RANBP17: variants seen among roughly 807,000 people sequenced by gnomAD.
RANBP17 encodes RAN binding protein 17.
RANBP17 carries 158 observed loss-of-function variants against 141.2 expected under a neutral mutation model. The observed-to-expected ratio is 1.12, with a 90% CI of 0.98 to 1.28. The LOEUF (loss-of-function observed/expected upper bound fraction) is 1.28. RANBP17 is among the 50% of genes most tolerant of loss of function. The pLI is 0.00. For synonymous variants in RANBP17, 430 were observed against 450.0 expected, an observed-to-expected ratio of 0.96 and a Z score of 0.56; for missense variants, 1,438 against 1,290.7, an observed-to-expected ratio of 1.11 and a Z score of -1.75.
chr5:170,897,423 A>G (rs967680529), intron 5 of RANBP17: 2 of 390,684 alleles, frequency 5.1e-6, no homozygotes, highest in Non-Finnish European at 9.7e-6. Flanking sequence ...CTTCATTGTT[A>G]TACTTTAAGT....
At chr5:171,183,540 T>C in intron 18 of RANBP17, 110 bp downstream of exon 18, 1 of 697,380 alleles carries the variant, frequency 1.4e-6, no homozygotes, top group East Asian at 2.7e-5. Context: ...AATTAGCGTC[T>C]TCTGACAGTT....
chr5:170,929,533 G>T (rs911156693), intron 12 of RANBP17, among the ~76,000 whole-genome samples: 2 of 151,886 alleles, frequency 1.3e-5, no homozygotes, highest in Admixed American at 1.3e-4. Context: ...TTGATTTTTC[G>T]ATGTTAAACC....
chr5:171,047,354 C>T (rs1043727509), intron 14 of RANBP17, among the ~76,000 whole-genome samples: 27 of 150,288 alleles, frequency 1.8e-4, no homozygotes, highest in African/African-American at 6.6e-4. Flanking sequence ...TGATGTTGAA[C>T]GGTTTTTTTT....
chr5:171,068,436 A>C (rs1052036342), intron 14 of RANBP17, among the ~76,000 whole-genome samples: 2 of 152,120 alleles, frequency 1.3e-5, no homozygotes, highest in Non-Finnish European at 2.9e-5. Flanking sequence ...CTTCCTGTGC[A>C]TAGCTTATAC....
chr5:171,076,404 G>A (rs996459195), intron 14 of RANBP17, among the ~76,000 whole-genome samples: 17 of 152,156 alleles, frequency 1.1e-4, no homozygotes, highest in Non-Finnish European at 2.4e-4. Context: ...TGTTGACTTT[G>A]CCTTCAAAAC....
At chr5:170,960,480 T>C (rs1331901783) in intron 13 of RANBP17, among the ~76,000 whole-genome samples, 2 of 152,196 alleles carry the variant, frequency 1.3e-5, no homozygotes, top group Non-Finnish European at 2.9e-5. Flanking sequence ...ACACTCAGTT[T>C]CCCAAGCCTG....
At chr5:171,259,565 G>GT (rs1414224479) in intron 24 of RANBP17, among the ~76,000 whole-genome samples, 1 of 152,210 alleles carries the variant, frequency 6.6e-6, no homozygotes, top group Non-Finnish European at 1.5e-5. Flanking sequence ...AATGTCTTCT[G>GT]TAGCGACATG....
intron 14 of RANBP17, among the ~76,000 whole-genome samples, chr5:171,141,051 T>A (rs1757655862): frequency 6.6e-6 from 1 of 152,222 alleles, no homozygotes; most frequent in South Asian, 2.1e-4. Flanking sequence ...CTGTACTTAC[T>A]CATCTCTACC....
chr5:171,131,773 T>C (rs1756938214), intron 14 of RANBP17, among the ~76,000 whole-genome samples: 1 of 152,218 alleles, frequency 6.6e-6, no homozygotes, highest in South Asian at 2.1e-4. Context: ...TATGGTAATT[T>C]ATCCTGCCTA....
chr5:171,121,295 T>G (rs539863965), intron 14 of RANBP17, among the ~76,000 whole-genome samples: 4 of 152,334 alleles, frequency 2.6e-5, no homozygotes, highest in Admixed American at 2.6e-4. Flanking sequence ...TCCACCAGTC[T>G]GAGGGCATGT....
chr5:170,984,128 A>G (rs1328105414), intron 14 of RANBP17, among the ~76,000 whole-genome samples: 1 of 152,172 alleles, frequency 6.6e-6, no homozygotes, highest in African/African-American at 2.4e-5. Flanking sequence ...AAGCAGACAC[A>G]TAGCAGTCAC....
intron 4 of RANBP17, among the ~76,000 whole-genome samples, chr5:170,894,016 T>G (rs558310690): frequency 6.6e-6 from 1 of 152,318 alleles, no homozygotes; most frequent in African/African-American, 2.4e-5. Flanking sequence ...AATGCTAGGT[T>G]ATGCTGCTTC....
chr5:170,948,596 G>T (rs1443908045), intron 12 of RANBP17, among the ~76,000 whole-genome samples: 2 of 152,144 alleles, frequency 1.3e-5, no homozygotes, highest in South Asian at 2.1e-4. Flanking sequence ...CATCGTCGTG[G>T]ATCAGAAGAC....
intron 5 of RANBP17, chr5:170,896,964 C>T (rs886743464): frequency 5.0e-6 from 5 of 1,002,762 alleles, no homozygotes; most frequent in African/African-American, 4.9e-5. Context: ...TTGGCCAGTG[C>T]GAAAACCAGA....
chr5:170,888,531 C>T (rs1769341452), intron 3 of RANBP17, among the ~76,000 whole-genome samples: 1 of 152,078 alleles, frequency 6.6e-6, no homozygotes, highest in African/African-American at 2.4e-5. Context: ...GCTGGTAAAG[C>T]AGAGTGATTG....
chr5:170,966,370 A>T (rs1402812929), intron 13 of RANBP17, among the ~76,000 whole-genome samples: 5 of 152,276 alleles, frequency 3.3e-5, no homozygotes, highest in African/African-American at 1.2e-4. Flanking sequence ...TCATCCCTGG[A>T]ATGCAAGGCT....
At chr5:170,911,564 C>G (rs1314743636) in intron 7 of RANBP17, among the ~76,000 whole-genome samples, 1 of 151,718 alleles carries the variant, frequency 6.6e-6, no homozygotes, top group African/African-American at 2.4e-5. Context: ...ACTGCCTTAA[C>G]TTTGACTTCA....
chr5:171,005,855 G>A (rs1341332741), intron 14 of RANBP17, among the ~76,000 whole-genome samples: 2 of 151,894 alleles, frequency 1.3e-5, no homozygotes, highest in Non-Finnish European at 2.9e-5. Context: ...TCTGACAAAG[G>A]GCTAATATCC....
chr5:171,141,506 C>T (rs1485079658), intron 14 of RANBP17, among the ~76,000 whole-genome samples: 3 of 145,464 alleles, frequency 2.1e-5, no homozygotes, highest in African/African-American at 5.1e-5. Context: ...TCTGGGGAGG[C>T]GGAGGGAGGA....
Sources: gnomAD v4.1 joint callset for allele counts (sites outside exome capture counted in the v4.1 genomes callset) on GRCh38, gnomAD v4.1.1 for gene constraint, MANE v1.5 for transcripts, NCBI Gene and HGNC (gene_info 2026-07-23, HGNC 2026-07-21) for gene names.